DNM2: variants seen among roughly 807,000 people sequenced by gnomAD.
DNM2 encodes the protein dynamin 2.
DNM2 carries 15 observed loss-of-function variants against 99.0 expected under a neutral mutation model. That is an observed-to-expected ratio of 0.15 (90% CI 0.10 to 0.23). DNM2 has a LOEUF of 0.23. DNM2 is among the 10% of genes least tolerant of loss of function. The pLI, the probability that DNM2 is intolerant of heterozygous loss-of-function variation, is 1.00. For synonymous variants in DNM2, 525 were observed against 481.2 expected, an observed-to-expected ratio of 1.09 and a Z score of -1.19; for missense variants, 742 against 1,189.4, an observed-to-expected ratio of 0.62 and a Z score of 5.53.
chr19:10,786,020 G>C lies in DNM2; in HGVS notation c.850-544G>C, dbSNP rs559144681. ...TCATTGTGTTGGCCAGGCTGGTCTCGATCTCTTGATCTTAAGTGATCCTTC... is the reference window on the plus strand; with the variant it reads ...TCATTGTGTTGGCCAGGCTGGTCTCCATCTCTTGATCTTAAGTGATCCTTC... On this transcript the variant is annotated intron_variant, in intron 6 of 20. Coordinates refer to ENST00000389253, the MANE Select transcript of DNM2 (RefSeq NM_001005361.3). Among the ~76,000 whole-genome samples, 13 of 152,006 alleles carry C rather than the reference G, an allele frequency of 8.6e-5. No individual in the cohort carries two copies. The South Asian group carries it at 2.7e-3, about 32-fold the overall frequency.
chr19:10,748,624 G>T (rs994723833), intron 1 of DNM2, among the ~76,000 whole-genome samples: 4 of 152,204 alleles, frequency 2.6e-5, no homozygotes, highest in African/African-American at 9.6e-5. Flanking sequence ...AGCCCCTGAG[G>T]TGGGTGCGGG....
At chr19:10,784,819 A>ATTTTTTTTTTTTTTTT (rs35575438) in intron 6 of DNM2, among the ~76,000 whole-genome samples, 1 of 99,462 alleles carries the variant, frequency 1.0e-5, no homozygotes, top group Non-Finnish European at 1.9e-5. Flanking sequence ...TTTTTTGATG[A>ATTTTTTTTTTTTTTTT]TTTTTTTTTT....
chr19:10,769,869 CT>C (rs1362416075), intron 2 of DNM2, among the ~76,000 whole-genome samples: 1 of 152,226 alleles, frequency 6.6e-6, no homozygotes, highest in Non-Finnish European at 1.5e-5. Flanking sequence ...GAGTCTCCCC[CT>C]GACCCTGCAG....
chr19:10,745,058 A>T (rs147396852), intron 1 of DNM2, among the ~76,000 whole-genome samples: 1 of 152,292 alleles, frequency 6.6e-6, no homozygotes, highest in East Asian at 1.9e-4. Context: ...ATCACGTTGG[A>T]GACTATAAAA....
intron 15 of DNM2, among the ~76,000 whole-genome samples, chr19:10,815,031 T>A (rs1239408701): frequency 6.6e-6 from 1 of 152,224 alleles, no homozygotes; most frequent in African/African-American, 2.4e-5. Context: ...GGCTGTGTTA[T>A]GTGGGCAATG....
chr19:10,799,534 GT>G lies in DNM2; in HGVS notation c.1422+979del, dbSNP rs897961120. ...GGTGCTTTTTGTGTTGTGGTTTTTT[GT>G]TTTTTTTTTTTTTTTTGAGACAGAG... On this transcript the variant is annotated intron_variant, in intron 11 of 20. Coordinates refer to ENST00000389253, the MANE Select transcript of DNM2 (RefSeq NM_001005361.3). 8.5e-3 allele frequency among the ~76,000 whole-genome samples: 905 copies of G among 106,476 alleles called. 6 individuals carry two copies. Among genetic ancestry groups the G allele is most frequent in the African/African-American group, 0.023 (633 of 26,984 alleles). The allele number at this position is 106,476 out of a possible 152,430, so 69.9% of individuals were successfully genotyped here. A position where few individuals can be genotyped will look rare whatever the true frequency, so the allele number is the denominator to read the frequency against.
chr19:10,782,350 T>TTTTCTTTTTC (rs1391429778), intron 5 of DNM2, among the ~76,000 whole-genome samples: 1 of 145,432 alleles, frequency 6.9e-6, no homozygotes, highest in Non-Finnish European at 1.5e-5. Flanking sequence ...TTTTTTTTCT[T>TTTTCTTTTTC]TTTCTTTTTC....
chr19:10,731,791 G>A (rs577346723), intron 1 of DNM2, among the ~76,000 whole-genome samples: 31 of 152,318 alleles, frequency 2.0e-4, no homozygotes, highest in African/African-American at 7.0e-4. Context: ...GTTCCCCGTT[G>A]TCTGGGCGGA....
chr19:10,726,724 C>T (rs1374063705), intron 1 of DNM2, among the ~76,000 whole-genome samples: 5 of 152,054 alleles, frequency 3.3e-5, no homozygotes, highest in Non-Finnish European at 7.4e-5. Context: ...ATTAGCCGGG[C>T]GTGGTGGCAG....
intron 2 of DNM2, among the ~76,000 whole-genome samples, chr19:10,768,088 C>T (rs1388451858): frequency 2.0e-5 from 3 of 152,106 alleles, no homozygotes; most frequent in Non-Finnish European, 4.4e-5. Flanking sequence ...CTGGCACCTG[C>T]TGTCCATATC....
intron 1 of DNM2, among the ~76,000 whole-genome samples, chr19:10,721,306 G>A (rs1325759709): frequency 6.6e-6 from 1 of 152,070 alleles, no homozygotes; most frequent in African/African-American, 2.4e-5. Context: ...ACAGGCGCGC[G>A]TTACCACACC....
At chr19:10,743,943 G>A (rs1266488960) in intron 1 of DNM2, among the ~76,000 whole-genome samples, 5 of 149,824 alleles carry the variant, frequency 3.3e-5, no homozygotes, top group East Asian at 2.0e-4. Context: ...CCAAGATCAC[G>A]CCATTGCACT....
chr19:10,795,594 T>A lies in DNM2; in HGVS notation c.1196+155T>A. 1.2e-6 allele frequency: 1 copy of A among 800,950 alleles called. No homozygotes were observed. Among genetic ancestry groups the A allele is most frequent in the Non-Finnish European group, 2.1e-6 (1 of 478,162 alleles). 49.6% of individuals were successfully genotyped at this position (800,950 alleles called of 1,614,324 possible). A position where few individuals can be genotyped will look rare whatever the true frequency, so the allele number is the denominator to read the frequency against. On this transcript the variant is annotated intron_variant, in intron 9 of 20. Coordinates refer to ENST00000389253, the MANE Select transcript of DNM2 (RefSeq NM_001005361.3). This position sits in a 1 kb window ranked among gnomAD's most constrained non-coding sequence, Gnocchi z 4.2. ...AGCTGCGAGCCCCTCCCTGAGGGTC[T>A]CCAAGGGCACATGAGGGTGGATGTG...
At position 10,816,083 on chromosome 19, in the gene DNM2, TGAGCGGTGACTTGCCCCACATCATG is replaced by T. The variant is rs1175996459; in HGVS notation, c.1671+3713_1671+3737del. On this transcript the variant is annotated intron_variant, in intron 15 of 20. Coordinates refer to ENST00000389253, the MANE Select transcript of DNM2 (RefSeq NM_001005361.3). This position sits in a 1 kb window ranked among gnomAD's most constrained non-coding sequence, Gnocchi z 4.6. ...CTGTGGTCACCCCCATCTAAGGCTC[TGAGCGGTGACTTGCCCCACATCATG>T]GAGCGGGGGAGGGTCCCCCTGGGGT... Among the ~76,000 whole-genome samples the T allele has an allele frequency of 6.6e-6, 1 of 152,126 alleles. No individual in the cohort carries two copies. Among genetic ancestry groups the T allele is most frequent in the East Asian group, 1.9e-4 (1 of 5,184 alleles).
At chr19:10,768,728 C>G (rs926903566) in intron 2 of DNM2, 1 of 152,320 alleles carries the variant, frequency 6.6e-6, no homozygotes, top group Admixed American at 6.5e-5. Context: ...CTAGATTCAG[C>G]TTGCTGGGGA....
intron 7 of DNM2, among the ~76,000 whole-genome samples, chr19:10,788,535 ACAGG>A (rs1180428094): frequency 6.6e-6 from 1 of 152,172 alleles, no homozygotes; most frequent in African/African-American, 2.4e-5. Flanking sequence ...TCAGGTGCTC[ACAGG>A]CTCCCTAGCC....
intron 15 of DNM2, among the ~76,000 whole-genome samples, chr19:10,815,236 A>G (rs79938434): frequency 0.037 from 5,627 of 152,258 alleles, 446 homozygotes; most frequent in East Asian, 0.36. Context: ...ATCACCATGT[A>G]GCCTCTAGCA....
chr19:10,791,233 C>A (rs1200784123), intron 7 of DNM2, among the ~76,000 whole-genome samples: 2 of 152,014 alleles, frequency 1.3e-5, no homozygotes, highest in Non-Finnish European at 2.9e-5. Context: ...GATCCTCAGG[C>A]GTGCACCACA....
At chr19:10,762,279 C>G (rs1026809136) in intron 2 of DNM2, among the ~76,000 whole-genome samples, 13 of 152,176 alleles carry the variant, frequency 8.5e-5, no homozygotes, top group African/African-American at 3.1e-4. Context: ...CTCAAATGAT[C>G]TGCCCGCCTC....
Sources: gnomAD v4.1 joint callset for allele counts (sites outside exome capture counted in the v4.1 genomes callset) on GRCh38, gnomAD v4.1.1 for gene constraint, Gnocchi (gnomAD v3.1) non-coding constraint, MANE v1.5 for transcripts, NCBI Gene and HGNC (gene_info 2026-07-23, HGNC 2026-07-21) for gene names.